MAGI3: variants seen among roughly 807,000 people sequenced by gnomAD.
MAGI3 encodes the protein membrane-associated guanylate kinase, WW and PDZ domain-containing protein 3.
Under a neutral mutation model 121.8 loss-of-function variants are expected in MAGI3, and 43 were observed. That is an observed-to-expected ratio of 0.35 (90% CI 0.28 to 0.46). The LOEUF (loss-of-function observed/expected upper bound fraction) is 0.46, where lower values mean the gene tolerates loss of function less well. MAGI3 is among the 20% of genes least tolerant of loss of function. MAGI3 has a pLI of 1.00. For missense variants in MAGI3, 1,547 were observed against 1,797.3 expected (o/e 0.86, Z 2.52); for synonymous variants, 553 against 639.3 (o/e 0.86, Z 2.04).
chr1:113,622,405 A>G (rs1384395352), intron 8 of MAGI3, among the ~76,000 whole-genome samples: 3 of 152,168 alleles, frequency 2.0e-5, no homozygotes, highest in Non-Finnish European at 2.9e-5. Context: ...ATATGAAGCT[A>G]TTTACTGATA....
At chr1:113,594,390 T>TAA in intron 5 of MAGI3, 91 bp from the exon 6 acceptor site, 2 of 672,666 alleles carry the variant, frequency 3.0e-6, no homozygotes, top group South Asian at 5.4e-5. Context: ...TGTTCAAACA[T>TAA]CATGTCTTTT....
intron 1 of MAGI3, among the ~76,000 whole-genome samples, chr1:113,531,787 A>G (rs558670970): frequency 4.6e-5 from 7 of 152,256 alleles, no homozygotes; most frequent in Admixed American, 2.6e-4. Context: ...AACATGATAC[A>G]CAACAGAAAT....
chr1:113,470,617 A>G (rs773778454), intron 1 of MAGI3, among the ~76,000 whole-genome samples: 4 of 152,184 alleles, frequency 2.6e-5, no homozygotes, highest in Admixed American at 6.5e-5. Context: ...TATGGTCACC[A>G]TGCTGTCCAT....
chr1:113,673,859 A>AT (rs1006521369), intron 19 of MAGI3, among the ~76,000 whole-genome samples: 3 of 151,994 alleles, frequency 2.0e-5, no homozygotes, highest in Admixed American at 6.6e-5. Context: ...TAGGCCCAGG[A>AT]TTTTTTTTCC....
At chr1:113,447,313 T>A (rs1654220952) in intron 1 of MAGI3, among the ~76,000 whole-genome samples, 1 of 152,150 alleles carries the variant, frequency 6.6e-6, no homozygotes, top group Non-Finnish European at 1.5e-5. Flanking sequence ...CTTGCTGCAT[T>A]GTCCCATGGC....
chr1:113,471,262 A>G (rs1319199507), intron 1 of MAGI3, among the ~76,000 whole-genome samples: 6 of 152,232 alleles, frequency 3.9e-5, no homozygotes, highest in Non-Finnish European at 8.8e-5. Context: ...GAAGATTGAA[A>G]TCATATCAAA....
intron 16 of MAGI3, among the ~76,000 whole-genome samples, chr1:113,665,705 G>A (rs905932033): frequency 6.6e-6 from 1 of 152,082 alleles, no homozygotes; most frequent in Non-Finnish European, 1.5e-5. Context: ...TCCTTTAATA[G>A]AGTTTTAGAG....
chr1:113,579,837 G>A (rs966002868), intron 2 of MAGI3, among the ~76,000 whole-genome samples: 2 of 152,052 alleles, frequency 1.3e-5, no homozygotes, highest in African/African-American at 4.8e-5. Context: ...CTAAGTGGAG[G>A]AACAGGTTTG....
chr1:113,463,002 T>G (rs990253976), intron 1 of MAGI3, among the ~76,000 whole-genome samples: 2 of 152,086 alleles, frequency 1.3e-5, no homozygotes, highest in Admixed American at 6.6e-5. Context: ...ATGAGTGTGT[T>G]TTAAAAACAA....
At chr1:113,437,742 C>CTCT (rs369508446) in intron 1 of MAGI3, among the ~76,000 whole-genome samples, 3 of 149,022 alleles carry the variant, frequency 2.0e-5, no homozygotes, top group African/African-American at 5.0e-5. Flanking sequence ...TCTTCCTTTC[C>CTCT]TCTTCTTCTT....
chr1:113,488,430 C>A (rs1224397549), intron 1 of MAGI3, among the ~76,000 whole-genome samples: 2 of 152,366 alleles, frequency 1.3e-5, no homozygotes, highest in South Asian at 2.1e-4. Context: ...GGTCTGCTGA[C>A]CCCTCCCAGG....
chr1:113,511,669 T>C (rs1657621449), intron 1 of MAGI3, among the ~76,000 whole-genome samples: 1 of 152,248 alleles, frequency 6.6e-6, no homozygotes. Flanking sequence ...TGTATTAACT[T>C]TCTAGACAAC....
At chr1:113,673,296 CT>C in intron 18 of MAGI3, 25 bp from the exon 19 acceptor site, 1 of 1,603,488 alleles carries the variant, frequency 6.2e-7, no homozygotes, top group African/African-American at 1.3e-5. Context: ...TGAGAACTTG[CT>C]TTTCTTATAC....
intron 6 of MAGI3, among the ~76,000 whole-genome samples, chr1:113,598,640 A>G (rs1182738107): frequency 1.3e-5 from 2 of 152,160 alleles, no homozygotes; most frequent in Admixed American, 6.5e-5. Context: ...GCAATACTAA[A>G]TATATATACC....
At chr1:113,512,535 A>C (rs373658800) in intron 1 of MAGI3, among the ~76,000 whole-genome samples, 1 of 152,204 alleles carries the variant, frequency 6.6e-6, no homozygotes, top group African/African-American at 2.4e-5. Flanking sequence ...CATAAATTTT[A>C]AGATTTTTAA....
intron 1 of MAGI3, among the ~76,000 whole-genome samples, chr1:113,508,850 A>G (rs1202585515): frequency 6.6e-6 from 1 of 152,098 alleles, no homozygotes; most frequent in East Asian, 1.9e-4. Context: ...AAACTTCAGG[A>G]GCCTTTGTTG....
chr1:113,532,928 A>T (rs984450301), intron 1 of MAGI3, among the ~76,000 whole-genome samples: 1 of 152,188 alleles, frequency 6.6e-6, no homozygotes, highest in Non-Finnish European at 1.5e-5. Flanking sequence ...CTGAATTGAG[A>T]TTAATTTACA....
intron 6 of MAGI3, among the ~76,000 whole-genome samples, chr1:113,596,394 G>A (rs1278409456): frequency 2.0e-5 from 3 of 152,210 alleles, no homozygotes; most frequent in Admixed American, 6.5e-5. Context: ...GCTTTTGGAA[G>A]AAAATATAGG....
rs761158691 is a variant in MAGI3 at position 113,646,576 on chromosome 1, T to C, written c.2089T>C (p.Ser697Pro). ...PMPFPPSIIRSGSPKLDPSEV... is the reference protein window; with the variant it reads ...PMPFPPSIIRPGSPKLDPSEV... Reference sequence around the variant, plus strand: ...GCCTTTTCCACCGAGCATTATCAGGTCAGGATCCCCAAAATTGGATCCTTC... The same window carrying C: ...GCCTTTTCCACCGAGCATTATCAGGCCAGGATCCCCAAAATTGGATCCTTC... The change falls in exon 12 of 21, where the codon TCA (serine) becomes CCA (proline). Residue 697 changes from serine to proline, a missense_variant. Physicochemically the swap from Ser to Pro is moderately conservative, Grantham distance 74. Coordinates refer to ENST00000307546, the MANE Select transcript of MAGI3 (RefSeq NM_001142782.2). 9.3e-6 allele frequency: 15 copies of C among 1,613,392 alleles called. No homozygotes were observed. In the African/African-American group the frequency reaches 1.5e-4, roughly 16 times the overall value.
Sources: allele counts gnomAD v4.1 joint callset (sites outside exome capture counted in the v4.1 genomes callset), GRCh38; gene constraint gnomAD v4.1.1; transcripts MANE v1.5; gene names NCBI Gene and HGNC (gene_info 2026-07-23, HGNC 2026-07-21).